ARID1B: variants seen among roughly 807,000 people sequenced by gnomAD.
ARID1B encodes the protein AT-rich interactive domain-containing protein 1B.
ARID1B carries 30 observed loss-of-function variants against 212.3 expected under a neutral mutation model. The ratio of observed to expected loss-of-function variants is 0.14; its 90% CI spans 0.11 to 0.19. The LOEUF is 0.19. Ranked by LOEUF, ARID1B falls within the 10% of genes least tolerant of loss-of-function variation. The pLI, the probability that ARID1B is intolerant of heterozygous loss-of-function variation, is 1.00. For missense variants in ARID1B, 2,891 were observed against 3,204.0 expected, an observed-to-expected ratio of 0.90 and a Z score of 2.36; for synonymous variants, 1,402 against 1,301.7, an observed-to-expected ratio of 1.08 and a Z score of -1.66.
intron 15 of ARID1B, among the ~76,000 whole-genome samples, chr6:157,192,320 G>A (rs1378737258): frequency 6.6e-6 from 1 of 152,006 alleles, no homozygotes; most frequent in African/African-American, 2.4e-5. Flanking sequence ...ATATCCCACC[G>A]ATACACCACA....
intron 1 of ARID1B, chr6:156,780,272 G>A (rs368754554): frequency 1.4e-4 from 21 of 152,298 alleles, no homozygotes; most frequent in African/African-American, 4.3e-4. Context: ...TTTTGATCAT[G>A]GATTAGGCAT....
intron 4 of ARID1B, among the ~76,000 whole-genome samples, chr6:157,082,589 G>T (rs1784709231): frequency 6.6e-6 from 1 of 152,124 alleles, no homozygotes. Context: ...ACCTAGGCTG[G>T]AGTGCAGTGG....
rs752525692 is a variant in ARID1B, at chr6:157,154,585, T to TG, written c.3089+5634_3089+5635insG. Among the ~76,000 whole-genome samples, 1,328 of 144,602 alleles carry TG rather than the reference T, an allele frequency of 9.2e-3. 13 individuals are homozygous for TG. The highest frequency in any genetic ancestry group is 0.015 in the Non-Finnish European group (963 of 66,128). 94.9% of individuals were successfully genotyped at this position (144,602 alleles called of 152,430 possible). On this transcript the variant is annotated intron_variant, in intron 8 of 19. Coordinates refer to ENST00000636930, the MANE Select transcript of ARID1B (RefSeq NM_001374828.1). ...GCTCTTCTGTTTTTTTTTTTGTTTT[T>TG]TTTTTTTTTTTTTGAGTTGGAGTCT... is the stretch of plus-strand genomic sequence containing the variant.
chr6:156,974,041 G>A (rs1287065060), intron 4 of ARID1B, among the ~76,000 whole-genome samples: 1 of 152,206 alleles, frequency 6.6e-6, no homozygotes, highest in Non-Finnish European at 1.5e-5. Flanking sequence ...ATTCAGGTCT[G>A]ACAATGCCCA....
At chr6:157,139,686 A>G (rs1479090548) in intron 7 of ARID1B, among the ~76,000 whole-genome samples, 1 of 151,268 alleles carries the variant, frequency 6.6e-6, no homozygotes, top group Non-Finnish European at 1.5e-5. Context: ...ATATATATAT[A>G]TATTAAACTA....
In ARID1B at chr6:156,923,354, C is replaced by T. The variant is rs568078227; in HGVS notation, c.2137-12112C>T. 5.3e-5 allele frequency among the ~76,000 whole-genome samples: 8 copies of T among 152,242 alleles called. No individual in the cohort carries two copies. In the South Asian group the frequency reaches 8.3e-4, roughly 16 times the overall value. On this transcript the variant is annotated intron_variant, in intron 3 of 19. Coordinates refer to ENST00000636930, the MANE Select transcript of ARID1B (RefSeq NM_001374828.1). ...ATTCAGATTCCTGGACCCCATCCTC[C>T]GGTTGGGAATTGTCAGCTGTCAGGT... is the stretch of plus-strand genomic sequence containing the variant.
chr6:156,938,202 TATA>T (rs755575112), intron 4 of ARID1B: 1 of 152,192 alleles, frequency 6.6e-6, no homozygotes, highest in Non-Finnish European at 1.5e-5. Context: ...TGTGGATACT[TATA>T]ATAAGTTGCA....
At chr6:157,009,575 G>GAT (rs138594514) in intron 4 of ARID1B, among the ~76,000 whole-genome samples, 3,953 of 152,292 alleles carry the variant, frequency 0.026, 62 homozygotes, top group African/African-American at 0.034. Context: ...TACTATATTA[G>GAT]ATATAAAAGC....
rs150708510 is a variant in ARID1B at position 157,114,509 on chromosome 6, G to GCGACA, written c.2581+3950_2581+3954dup. 5.4e-3 allele frequency among the ~76,000 whole-genome samples: 613 copies of GCGACA among 114,136 alleles called. 5 individuals are homozygous for GCGACA. The highest frequency in any genetic ancestry group is 0.021 in the African/African-American group (575 of 27,738). The allele number at this position is 114,136 out of a possible 152,430, so 74.9% of individuals were successfully genotyped here. A position where few individuals can be genotyped will look rare whatever the true frequency, so the allele number is the denominator to read the frequency against. Reference sequence around the variant, plus strand: ...ACTGCACTCCAGCCTGGGCGACAGAGCGACACTCCGTCTCAAAAAAAAAAA... The same window carrying GCGACA: ...ACTGCACTCCAGCCTGGGCGACAGAGCGACACGACACTCCGTCTCAAAAAAAAAAA... On this transcript the variant is annotated intron_variant, in intron 6 of 19. Coordinates refer to ENST00000636930, the MANE Select transcript of ARID1B (RefSeq NM_001374828.1).
intron 2 of ARID1B, among the ~76,000 whole-genome samples, chr6:156,847,467 G>A (rs1025762052): frequency 9.2e-5 from 14 of 152,128 alleles, no homozygotes; most frequent in African/African-American, 3.4e-4. Context: ...TGGGAAGGCC[G>A]GCCAGGCTCT....
At chr6:156,821,255 G>A (rs940283168) in intron 1 of ARID1B, among the ~76,000 whole-genome samples, 11 of 152,152 alleles carry the variant, frequency 7.2e-5, no homozygotes, top group African/African-American at 2.7e-4. Flanking sequence ...GTCAGCTGTT[G>A]GTGGGGATGG....
intron 1 of ARID1B, among the ~76,000 whole-genome samples, chr6:156,816,198 AG>A (rs1781950115): frequency 2.6e-5 from 4 of 152,216 alleles, no homozygotes; most frequent in Non-Finnish European, 4.4e-5. Flanking sequence ...TTGGAATAGG[AG>A]ATGGATGTCT....
chr6:156,819,340 T>G (rs1782194490), intron 1 of ARID1B, among the ~76,000 whole-genome samples: 1 of 152,218 alleles, frequency 6.6e-6, no homozygotes, highest in Non-Finnish European at 1.5e-5. Context: ...GTAACAAATG[T>G]GAGGAAAAAT....
intron 6 of ARID1B, among the ~76,000 whole-genome samples, chr6:157,119,963 A>G (rs1461321153): frequency 6.6e-6 from 1 of 152,220 alleles, no homozygotes; most frequent in African/African-American, 2.4e-5. Context: ...TATTTGTGAA[A>G]TGAGGATCAT....
chr6:157,027,584 C>A (rs946687639), intron 4 of ARID1B, among the ~76,000 whole-genome samples: 2 of 152,188 alleles, frequency 1.3e-5, no homozygotes, highest in African/African-American at 2.4e-5. Flanking sequence ...GACACACAAT[C>A]GAGATGTATG....
At chr6:156,788,648 T>G (rs1779807842) in intron 1 of ARID1B, among the ~76,000 whole-genome samples, 1 of 152,238 alleles carries the variant, frequency 6.6e-6, no homozygotes, top group Admixed American at 6.5e-5. Flanking sequence ...CTTCTGTGTT[T>G]GCTTCATCTT....
chr6:157,090,843 A>G, intron 5 of ARID1B, among the ~76,000 whole-genome samples: 1 of 151,992 alleles, frequency 6.6e-6, no homozygotes, highest in Non-Finnish European at 1.5e-5. Flanking sequence ...AGCCACCTTC[A>G]CTGCTCCCAT....
chr6:157,118,413 C>T (rs1477757328), intron 6 of ARID1B, among the ~76,000 whole-genome samples: 1 of 152,156 alleles, frequency 6.6e-6, no homozygotes, highest in Non-Finnish European at 1.5e-5. Flanking sequence ...GTATCATTTT[C>T]CTAATGTATG....
In ARID1B at chr6:156,914,438, G is replaced by A. The variant is rs970292231; in HGVS notation, c.2136+12913G>A. Among the ~76,000 whole-genome samples, 4 of 152,222 alleles carry A rather than the reference G, an allele frequency of 2.6e-5. No individual in the cohort carries two copies. In the East Asian group the frequency reaches 5.8e-4, roughly 22 times the overall value. On this transcript the variant is annotated intron_variant, in intron 3 of 19. Coordinates refer to ENST00000636930, the MANE Select transcript of ARID1B (RefSeq NM_001374828.1). ...ACCTGTCTTGCTTGGTTCCTGGGAC[G>A]CCACCCTCTCCTGGCTCTCTTCCTA...
Sources: allele counts gnomAD v4.1 joint callset (sites outside exome capture counted in the v4.1 genomes callset), GRCh38; gene constraint gnomAD v4.1.1; transcripts MANE v1.5; gene names NCBI Gene and HGNC (gene_info 2026-07-23, HGNC 2026-07-21).